The following TAMM41 variants were observed in gnomAD, a reference collection of about 807,000 sequenced individuals.
TAMM41 encodes the protein TAM41 mitochondrial translocator assembly and maintenance homolog, also known as phosphatidate cytidylyltransferase, mitochondrial.
TAMM41 carries 36 observed loss-of-function variants against 44.1 expected under a neutral mutation model. The ratio of observed to expected loss-of-function variants is 0.82; its 90% CI spans 0.63 to 1.08. The LOEUF (loss-of-function observed/expected upper bound fraction) is 1.08, where lower values mean the gene tolerates loss of function less well. Among genes scored for constraint, TAMM41 ranks in the 50% least tolerant of loss-of-function variants. The pLI is 0.00. For synonymous variants in TAMM41, 164 were observed against 153.1 expected (o/e 1.07, Z -0.53); for missense variants, 417 against 404.3 (o/e 1.03, Z -0.27).
chr3:11,838,838 A>G (rs567884283), intron 3 of TAMM41, among the ~76,000 whole-genome samples: 1 of 151,668 alleles, frequency 6.6e-6, no homozygotes, highest in South Asian at 2.1e-4. Context: ...CTCTTATCAC[A>G]CGGCTGGCTC....
At chr3:11,804,811 G>A (rs1485753929) in intron 7 of TAMM41, among the ~76,000 whole-genome samples, 3 of 151,862 alleles carry the variant, frequency 2.0e-5, no homozygotes, top group African/African-American at 7.3e-5. Context: ...CAGCAGATGT[G>A]ACACAAGTGC....
At chr3:11,766,022 C>T in the TAMM41 span, among the ~76,000 whole-genome samples, 1 of 152,104 alleles carries the variant, frequency 6.6e-6, no homozygotes. Flanking sequence ...AAGATTTTTG[C>T]TCCATCCAAA....
intron 7 of TAMM41, 44 bp from the exon 8 acceptor site, chr3:11,790,625 G>T (rs752008035): frequency 1.3e-6 from 2 of 1,516,734 alleles, no homozygotes; most frequent in Non-Finnish European, 9.1e-7. Flanking sequence ...GAGGCTTGTT[G>T]AGTGGATGCT....
chr3:11,770,203 G>A, the TAMM41 span, among the ~76,000 whole-genome samples: 6 of 152,144 alleles, frequency 3.9e-5, no homozygotes, highest in South Asian at 2.1e-4. Context: ...CTCTGTCTCC[G>A]TCTCTTCTGC....
the TAMM41 span, among the ~76,000 whole-genome samples, chr3:11,776,325 A>T: frequency 1.3e-5 from 2 of 150,542 alleles, no homozygotes; most frequent in Non-Finnish European, 3.0e-5. Context: ...GCCATTTAAA[A>T]TTTTTTTTTT....
At chr3:11,837,276 C>G (rs1169297131) in intron 3 of TAMM41, among the ~76,000 whole-genome samples, 1 of 152,100 alleles carries the variant, frequency 6.6e-6, no homozygotes, top group Non-Finnish European at 1.5e-5. Context: ...TCTTGTGGAG[C>G]CTGGGACCCT....
chr3:11,759,847 G>A, the TAMM41 span, among the ~76,000 whole-genome samples: 712 of 152,140 alleles, frequency 4.7e-3, 9 homozygotes, highest in African/African-American at 0.016. Context: ...GGTGGCACGC[G>A]CCTGTAATCC....
chr3:11,790,825 G>A (rs1213305479), intron 7 of TAMM41, among the ~76,000 whole-genome samples: 4 of 152,204 alleles, frequency 2.6e-5, no homozygotes, highest in Non-Finnish European at 5.9e-5. Flanking sequence ...AAGTTATTGG[G>A]ATAAGTGATC....
chr3:11,793,769 C>T (rs4684814), intron 7 of TAMM41, among the ~76,000 whole-genome samples: 20,233 of 151,920 alleles, frequency 0.13, 2,956 homozygotes, highest in East Asian at 0.48. Context: ...AAAACAGAAC[C>T]GTGGCACTGG....
At chr3:11,836,094 G>A (rs192006776) in intron 3 of TAMM41, among the ~76,000 whole-genome samples, 16 of 151,358 alleles carry the variant, frequency 1.1e-4, no homozygotes, top group African/African-American at 3.2e-4. Context: ...AAGTTCCAGC[G>A]ATTCTCCTGC....
intron 7 of TAMM41, among the ~76,000 whole-genome samples, chr3:11,795,725 C>G (rs1406145940): frequency 1.3e-5 from 2 of 152,156 alleles, no homozygotes; most frequent in Non-Finnish European, 2.9e-5. Context: ...TACCTATTCC[C>G]ACACCAGAGT....
the TAMM41 span, among the ~76,000 whole-genome samples, chr3:11,751,175 T>C: frequency 1.4e-5 from 2 of 145,742 alleles, no homozygotes; most frequent in African/African-American, 5.1e-5. Context: ...CACTGCAACC[T>C]CTGCCTCCCG....
rs113473821 is a variant in TAMM41, at chr3:11,805,387, T to C, written c.937+2446A>G. Among the ~76,000 whole-genome samples, 262 of 152,254 alleles carry C rather than the reference T, an allele frequency of 1.7e-3. 1 individual carries two copies. Among genetic ancestry groups the C allele is most frequent in the African/African-American group, 6.0e-3 (249 of 41,564 alleles). Reference sequence around the variant, plus strand: ...CCAGGACTCAAGTGATCCTCCTGCCTTGGCCTCCCAAAGTGCTGGGATTAT... The same window carrying C: ...CCAGGACTCAAGTGATCCTCCTGCCCTGGCCTCCCAAAGTGCTGGGATTAT... On this transcript the variant is annotated intron_variant, in intron 7 of 7. Transcript: ENST00000455809.
chr3:11,743,460 A>G, the TAMM41 span, among the ~76,000 whole-genome samples: 4 of 151,586 alleles, frequency 2.6e-5, no homozygotes, highest in East Asian at 1.9e-4. Flanking sequence ...CAGCCTCCCA[A>G]TTAGCTGGGA....
In TAMM41 at chr3:11,809,549, T is replaced by C. The variant is rs746962466; in HGVS notation, c.842A>G (p.His281Arg). Residue 281 changes from histidine to arginine, a missense_variant, in exon 6 of 8, where the codon CAT becomes CGT. Transcript: ENST00000455809. ...CACCACATCTCCACAGTCGGGATCATGAGCCACTTGGAATAAAGTTTCTTC... is the reference window on the plus strand; with the variant it reads ...CACCACATCTCCACAGTCGGGATCACGAGCCACTTGGAATAAAGTTTCTTC... ...DVEETLFQVA[H>R]DPDCGDVVRL... The C allele has an allele frequency of 1.2e-6, 2 of 1,614,172 alleles. No homozygotes were observed. Among genetic ancestry groups the C allele is most frequent in the Admixed American group, 1.7e-5 (1 of 60,000 alleles).
chr3:11,789,845 A>T (rs1464518956), downstream of TAMM41, among the ~76,000 whole-genome samples: 1 of 152,216 alleles, frequency 6.6e-6, no homozygotes, highest in East Asian at 1.9e-4. Context: ...CACGATGCTA[A>T]CACTGCAGAG....
chr3:11,811,597 A>G (rs1413808915), intron 5 of TAMM41: 2 of 152,256 alleles, frequency 1.3e-5, no homozygotes, highest in African/African-American at 4.8e-5. Context: ...TAAAATAACG[A>G]AAGTGAAAGC....
In TAMM41 at chr3:11,817,227, G is replaced by C; in HGVS notation, c.673C>G (p.Gln225Glu). Residue 225 changes from glutamine to glutamate, a missense_variant, in exon 5 of 8, where the codon CAA becomes GAA. Physicochemically the swap from Gln to Glu is conservative, Grantham distance 29. Coordinates refer to ENST00000455809, the MANE Select transcript of TAMM41 (RefSeq NM_001284401.2). ...CCTTGCTGGCTTTTATACACCACTTGAGGATTTTCCTGTAGTATGCTGCCA... is the reference window on the plus strand; with the variant it reads ...CCTTGCTGGCTTTTATACACCACTTCAGGATTTTCCTGTAGTATGCTGCCA... Reference protein sequence around the residue: ...LYGSILQENPQVVYKSQQGWL... With the variant: ...LYGSILQENPEVVYKSQQGWL... 1 of 1,612,706 alleles carries C rather than the reference G, an allele frequency of 6.2e-7. No individual in the cohort carries two copies. The highest frequency in any genetic ancestry group is 8.5e-7 in the Non-Finnish European group (1 of 1,178,968).
the TAMM41 span, among the ~76,000 whole-genome samples, chr3:11,733,819 T>A: frequency 1.6e-4 from 24 of 151,968 alleles, no homozygotes; most frequent in African/African-American, 5.3e-4. Flanking sequence ...ATTTTTAAAT[T>A]TTCGTTTCCA....
Sources: allele counts gnomAD v4.1 joint callset (sites outside exome capture counted in the v4.1 genomes callset), GRCh38; gene constraint gnomAD v4.1.1; transcripts MANE v1.5; gene names NCBI Gene and HGNC (gene_info 2026-07-23, HGNC 2026-07-21).